The following ZNF559 variants were observed in gnomAD, a reference collection of about 807,000 sequenced individuals.
ZNF559 encodes zinc finger protein 559, also known as putative protein product of Nbla00121.
A neutral mutation model predicts 14.2 loss-of-function variants in ZNF559; 17 were observed. That is an observed-to-expected ratio of 1.20 (90% CI 0.82 to 1.80). ZNF559 has a LOEUF of 1.80. ZNF559 is among the 40% of genes most tolerant of loss of function. The probability of loss-of-function intolerance (pLI) is 0.00; values close to 1 mark genes in which losing one functional copy is unlikely to be tolerated. For missense variants in ZNF559, 740 were observed against 629.7 expected (o/e 1.18, Z -1.88); for synonymous variants, 244 against 212.4 (o/e 1.15, Z -1.29).
At chr19:9,338,816 A>C (rs757777443) in intron 4 of ZNF559, among the ~76,000 whole-genome samples, 6 of 152,158 alleles carry the variant, frequency 3.9e-5, no homozygotes, top group Admixed American at 1.3e-4. Flanking sequence ...CCATGCTGAT[A>C]TGCTTTCATT....
chr19:9,336,944 T>A lies in ZNF559; in HGVS notation c.-119-852T>A, dbSNP rs550056600. ...GACTCAGAAGCTATTAAACCTACAG[T>A]TATGGTTTATTATAATAAAAGGGTA... On this transcript the variant is annotated intron_variant, in intron 2 of 6. Transcript: ENST00000603380. 3.3e-5 allele frequency among the ~76,000 whole-genome samples: 5 copies of A among 152,204 alleles called. No homozygotes were observed. In the East Asian group the frequency reaches 9.7e-4, roughly 29 times the overall value.
chr19:9,324,435 TG>T, intron 1 of ZNF559: 1 of 1,439,274 alleles, frequency 6.9e-7, no homozygotes, highest in South Asian at 1.5e-5. Context: ...GCGGCTGCGC[TG>T]GGGCCTCGGC....
intron 2 of ZNF559, among the ~76,000 whole-genome samples, chr19:9,327,644 TTCTC>T (rs1451014832): frequency 2.0e-5 from 3 of 152,188 alleles, no homozygotes; most frequent in African/African-American, 7.2e-5. Context: ...CTGTTGTTCT[TTCTC>T]CATTCTTTAG....
intron 2 of ZNF559, among the ~76,000 whole-genome samples, chr19:9,330,425 C>T (rs541566732): frequency 5.3e-4 from 81 of 152,258 alleles, no homozygotes; most frequent in Non-Finnish European, 1.1e-3. Context: ...TCTCTCTGCT[C>T]CCTCTGTAAC....
chr19:9,327,593 C>T (rs2066689883), intron 2 of ZNF559, among the ~76,000 whole-genome samples: 1 of 152,194 alleles, frequency 6.6e-6, no homozygotes, highest in Non-Finnish European at 1.5e-5. Context: ...TCTCCTGAAC[C>T]TGTTTTTACA....
At position 9,337,871 on chromosome 19, in the gene ZNF559, A is replaced by G. The variant is rs576303982; in HGVS notation, c.-57+13A>G. 6.6e-7 allele frequency: 1 copy of G among 1,519,744 alleles called. No homozygotes were observed. The highest frequency in any genetic ancestry group is 2.5e-5 in the East Asian group (1 of 40,684). The allele number at this position is 1,519,744 out of a possible 1,614,324, so 94.1% of individuals were successfully genotyped here. A position where few individuals can be genotyped will look rare whatever the true frequency, so the allele number is the denominator to read the frequency against. On this transcript the variant is annotated intron_variant, in intron 3 of 6. Transcript: ENST00000603380. ...TGAAAGATTGACGGTATGAGGCAAG[A>G]CTCCCACTACTACTTAATCAAGAGG... is the stretch of plus-strand genomic sequence containing the variant.
chr19:9,324,096 CA>C, upstream of ZNF559: 1 of 1,478,446 alleles, frequency 6.8e-7, no homozygotes, highest in Non-Finnish European at 9.1e-7. Context: ...AAAGCCGCAG[CA>C]GCTGATGGGC....
upstream of ZNF559, chr19:9,324,130 C>CT: frequency 1.3e-6 from 2 of 1,532,760 alleles, no homozygotes; most frequent in Non-Finnish European, 8.7e-7. Context: ...GGCCCCGCCC[C>CT]CTAGGTGGTC....
intron 2 of ZNF559, among the ~76,000 whole-genome samples, chr19:9,334,561 T>C (rs2067122992): frequency 6.6e-6 from 1 of 152,134 alleles, no homozygotes; most frequent in Non-Finnish European, 1.5e-5. Context: ...CCGTTAGAAG[T>C]GAGAATAGTT....
chr19:9,345,445 A>T lies in ZNF559; in HGVS notation c.*2377A>T, dbSNP rs1304691968. ...TATATAAGAGTTGCAATTCTTCTGC[A>T]TCCTTGCCAATTATTGGTATGGTCA... is the stretch of plus-strand genomic sequence containing the variant. On this transcript the variant is annotated 3_prime_UTR_variant, in exon 7 of 7. Coordinates refer to ENST00000603380, the MANE Select transcript of ZNF559 (RefSeq NM_032497.3). The T allele has an allele frequency of 6.6e-6, 1 of 152,186 alleles. No homozygotes were observed. Among genetic ancestry groups the T allele is most frequent in the African/African-American group, 2.4e-5 (1 of 41,454 alleles). The allele number at this position is 152,186 out of a possible 1,614,324, so 9.4% of individuals were successfully genotyped here. A position where few individuals can be genotyped will look rare whatever the true frequency, so the allele number is the denominator to read the frequency against.
chr19:9,334,813 A>AAG (rs1311292694), intron 2 of ZNF559, among the ~76,000 whole-genome samples: 3 of 152,162 alleles, frequency 2.0e-5, no homozygotes, highest in Non-Finnish European at 4.4e-5. Context: ...GAGTAAACCC[A>AAG]AGAGATAGGT....
chr19:9,337,539 T>C (rs918024800), intron 2 of ZNF559, among the ~76,000 whole-genome samples: 1 of 152,196 alleles, frequency 6.6e-6, no homozygotes, highest in African/African-American at 2.4e-5. Context: ...CTCAGGAGTT[T>C]AGGTTTGTGA....
chr19:9,328,242 TC>T (rs1392664329), intron 2 of ZNF559, among the ~76,000 whole-genome samples: 2 of 152,086 alleles, frequency 1.3e-5, no homozygotes, highest in Non-Finnish European at 2.9e-5. Flanking sequence ...TCTTTATATT[TC>T]TTTTTGTCCT....
Position 9,341,990 on chromosome 19 carries a change from C to CT in ZNF559, c.540dup (p.Gln181SerfsTer6). ...CATCTTGTTTGCAAGAAAACTCACA[C>CT]TCAAGAGAAACCATATAAATGCAGT... On this transcript the variant is annotated frameshift_variant, in exon 7 of 7. Transcript: ENST00000603380. LOFTEE classifies it low-confidence loss of function (END_TRUNC). The CT allele has an allele frequency of 6.2e-7, 1 of 1,613,356 alleles. No homozygotes were observed. The highest frequency in any genetic ancestry group is 8.5e-7 in the Non-Finnish European group (1 of 1,179,834).
At chr19:9,339,779 T>G (rs2067446410) in intron 5 of ZNF559, among the ~76,000 whole-genome samples, 1 of 150,348 alleles carries the variant, frequency 6.7e-6, no homozygotes, top group Non-Finnish European at 1.5e-5. Flanking sequence ...TTTTTTTTTT[T>G]TTTTTTTGAG....
chr19:9,324,224 C>G lies in ZNF559; in HGVS notation c.-210C>G, dbSNP rs968188492. The G allele has an allele frequency of 2.6e-6, 4 of 1,535,982 alleles. No homozygotes were observed. Among genetic ancestry groups the G allele is most frequent in the African/African-American group, 1.4e-5 (1 of 73,052 alleles). ...CTTAACAGCGCGTTCCCGTTGGCGTCTGAGGTAAGTTTTTGTTTCTGGGCG... is the reference window on the plus strand; with the variant it reads ...CTTAACAGCGCGTTCCCGTTGGCGTGTGAGGTAAGTTTTTGTTTCTGGGCG... On this transcript the variant is annotated 5_prime_UTR_variant, in exon 1 of 7. Coordinates refer to ENST00000603380, the MANE Select transcript of ZNF559 (RefSeq NM_032497.3).
Position 9,324,753 on chromosome 19 carries a change from A to G in ZNF559, c.-147A>G, listed in dbSNP as rs780282345. The G allele has an allele frequency of 3.3e-6, 5 of 1,535,762 alleles. No individual in the cohort carries two copies. Among genetic ancestry groups the G allele is most frequent in the Non-Finnish European group, 4.4e-6 (5 of 1,146,816 alleles). ...CTTCGCTTGGTGTCCTCCTGGCCTC[A>G]GCAACCTGACAATTCTGTCGTGTCC... On this transcript the variant is annotated 5_prime_UTR_variant, in exon 2 of 7. Coordinates refer to ENST00000603380, the MANE Select transcript of ZNF559 (RefSeq NM_032497.3).
chr19:9,340,055 G>A (rs546866598), intron 5 of ZNF559, among the ~76,000 whole-genome samples: 4 of 149,578 alleles, frequency 2.7e-5, no homozygotes, highest in African/African-American at 4.9e-5. Flanking sequence ...CAAAGTGCTC[G>A]GATTACGGCA....
chr19:9,335,520 G>T (rs539779359), intron 2 of ZNF559, among the ~76,000 whole-genome samples: 1 of 152,108 alleles, frequency 6.6e-6, no homozygotes, highest in African/African-American at 2.4e-5. Context: ...GTGTGATTCA[G>T]CATTTCATCC....
Sources: gnomAD v4.1 joint callset for allele counts (sites outside exome capture counted in the v4.1 genomes callset) on GRCh38, gnomAD v4.1.1 for gene constraint, MANE v1.5 for transcripts, NCBI Gene and HGNC (gene_info 2026-07-23, HGNC 2026-07-21) for gene names.